The following SKOR2 variants were observed in gnomAD, a reference collection of about 807,000 sequenced individuals.
The protein encoded by SKOR2 is LBX1 corepressor 1-like protein.
In SKOR2, 47 loss-of-function variants were observed where a neutral mutation model predicts 69.1. That is an observed-to-expected ratio of 0.68 (90% CI 0.54 to 0.87). SKOR2 has a LOEUF of 0.87. Ranked by LOEUF, SKOR2 falls within the 40% of genes least tolerant of loss-of-function variation. The pLI is 0.00. For missense variants in SKOR2, 1,404 were observed against 1,472.2 expected (o/e 0.95, Z 0.76); for synonymous variants, 717 against 672.6 (o/e 1.07, Z -1.02).
rs376817644 is a variant in SKOR2, at chr18:47,249,127, G to A, written c.57C>T (p.Ser19=). 7.2e-6 allele frequency: 11 copies of A among 1,535,898 alleles called. No individual in the cohort carries two copies. In the African/African-American group the frequency reaches 1.1e-4, roughly 15 times the overall value. ...GGCTCAGCGTGTCGGGCTGGAAGGC[G>A]CTCGACGGCGACGCCAGCAGGATGT... is the stretch of plus-strand genomic sequence containing the variant. ...PNDILLASPS[S]AFQPDTLSQP... is the part of the protein sequence containing the mutation. Residue 19 remains serine, a synonymous_variant, in exon 2 of 9, where the codon AGC becomes AGT. Transcript: ENST00000425639.
chr18:47,247,381 C>A lies in SKOR2; in HGVS notation c.1803G>T (p.Ala601=), dbSNP rs754020564. ...GSGPAGSRVP[A]PHHPHLLEGR... ...CCTCCAGAAGGTGCGGATGGTGGGGCGCCGGAACCCGGGAGCCCGCGGGGC... is the reference window on the plus strand; with the variant it reads ...CCTCCAGAAGGTGCGGATGGTGGGGAGCCGGAACCCGGGAGCCCGCGGGGC... The change falls in exon 2 of 9, where the codon GCG becomes GCT. Residue 601 remains alanine, a synonymous_variant. Transcript: ENST00000425639. The surrounding 1 kb of genome is among the most constrained non-coding windows in gnomAD (Gnocchi z 6.6). The A allele has an allele frequency of 2.1e-6, 3 of 1,402,850 alleles. No individual in the cohort carries two copies. Among genetic ancestry groups the A allele is most frequent in the South Asian group, 3.0e-5 (2 of 66,924 alleles). The allele number at this position is 1,402,850 out of a possible 1,614,324, so 86.9% of individuals were successfully genotyped here.
Position 47,231,014 on chromosome 18 carries a change from A to G in SKOR2, c.2753-14T>C. 6.5e-7 allele frequency: 1 copy of G among 1,535,994 alleles called. No homozygotes were observed. The highest frequency in any genetic ancestry group is 1.2e-5 in the South Asian group (1 of 84,042). ...GTGTATGTTCACCTTTTAAAAAAGC[A>G]GGAAAAATACTATTAGTTTTGTGTA... is the stretch of plus-strand genomic sequence containing the variant. On this transcript the variant is annotated splice_polypyrimidine_tract_variant and intron_variant, in intron 4 of 8. Coordinates refer to ENST00000425639, the MANE Select transcript of SKOR2 (RefSeq NM_001278063.4).
At chr18:47,231,382 G>A (rs1005567070) in intron 4 of SKOR2, among the ~76,000 whole-genome samples, 1 of 152,154 alleles carries the variant, frequency 6.6e-6, no homozygotes, top group African/African-American at 2.4e-5. Context: ...TCCTTGAAGG[G>A]AGGAAGCTTG....
At position 47,247,614 on chromosome 18, in the gene SKOR2, C is replaced by G; in HGVS notation, c.1570G>C (p.Glu524Gln). 7.8e-7 allele frequency: 1 copy of G among 1,280,360 alleles called. No homozygotes were observed. The highest frequency in any genetic ancestry group is 9.8e-7 in the Non-Finnish European group (1 of 1,016,414). 79.3% of individuals were successfully genotyped at this position (1,280,360 alleles called of 1,614,324 possible). Residue 524 changes from glutamate (E) to glutamine (Q), a missense_variant, in exon 2 of 9, where the codon GAG becomes CAG. Coordinates refer to ENST00000425639, the MANE Select transcript of SKOR2 (RefSeq NM_001278063.4). The surrounding 1 kb of genome is among the most constrained non-coding windows in gnomAD (Gnocchi z 6.6). Reference sequence around the variant, plus strand: ...GGCTGCCCCGGCGGGGGCGCGGCCTCGGCGCTCCCAGCAGCACCGCCTGGC... The same window carrying G: ...GGCTGCCCCGGCGGGGGCGCGGCCTGGGCGCTCCCAGCAGCACCGCCTGGC... ...AEPGGAAGSAEAAPPPGQPPQ... is the reference protein window; with the variant it reads ...AEPGGAAGSAQAAPPPGQPPQ...
intron 2 of SKOR2, among the ~76,000 whole-genome samples, chr18:47,246,221 C>T (rs2064272218): frequency 6.6e-6 from 1 of 152,100 alleles, no homozygotes. Flanking sequence ...TGGTCTTGCT[C>T]CTTTTAGGGG....
At chr18:47,241,434 CA>C (rs1159629882) in intron 4 of SKOR2, among the ~76,000 whole-genome samples, 1 of 151,998 alleles carries the variant, frequency 6.6e-6, no homozygotes, top group Non-Finnish European at 1.5e-5. Flanking sequence ...ACATTAATAC[CA>C]AAACATAGGT....
intron 6 of SKOR2, among the ~76,000 whole-genome samples, chr18:47,226,494 C>G (rs927275573): frequency 1.3e-5 from 2 of 152,142 alleles, no homozygotes; most frequent in Non-Finnish European, 2.9e-5. Context: ...AACACCTACT[C>G]CCACTCAATT....
At position 47,247,346 on chromosome 18, in the gene SKOR2, G is replaced by T; in HGVS notation, c.1838C>A (p.Ala613Glu). ...GGAATGGTGGTAGCTGCCACCGCCC[G>T]CTTTGCGCCCCTCCAGAAGGTGCGG... Reference protein sequence around the residue: ...HHPHLLEGRKAGGGSYHHSSA... With the variant: ...HHPHLLEGRKEGGGSYHHSSA... The change falls in exon 2 of 9, where the codon GCG (alanine) becomes GAG (glutamate). Residue 613 changes from alanine (A) to glutamate (E), a missense_variant. Physicochemically the swap from Ala to Glu is moderately radical, Grantham distance 107. Around this residue, in one of 3 missense-constraint regions of SKOR2, gnomAD observed 1,266 missense variants for 1,309.9 expected, o/e 0.97. Coordinates refer to ENST00000425639, the MANE Select transcript of SKOR2 (RefSeq NM_001278063.4). This position sits in a 1 kb window ranked among gnomAD's most constrained non-coding sequence, Gnocchi z 6.6. 6.8e-7 allele frequency: 1 copy of T among 1,471,512 alleles called. No homozygotes were observed. The highest frequency in any genetic ancestry group is 9.0e-7 in the Non-Finnish European group (1 of 1,117,258). The allele number at this position is 1,471,512 out of a possible 1,614,324, so 91.2% of individuals were successfully genotyped here.
chr18:47,228,004 C>T (rs769705113), intron 6 of SKOR2, among the ~76,000 whole-genome samples: 6 of 152,192 alleles, frequency 3.9e-5, no homozygotes, highest in Non-Finnish European at 7.4e-5. Context: ...TGTTCACCTC[C>T]TAGTAAAAAG....
At chr18:47,228,031 C>G (rs1226056586) in intron 6 of SKOR2, among the ~76,000 whole-genome samples, 1 of 152,196 alleles carries the variant, frequency 6.6e-6, no homozygotes, top group Non-Finnish European at 1.5e-5. Context: ...AAAACTCTCA[C>G]GAGAATTCCT....
intron 8 of SKOR2, among the ~76,000 whole-genome samples, chr18:47,208,790 T>G (rs2064119879): frequency 6.6e-6 from 1 of 152,174 alleles, no homozygotes; most frequent in African/African-American, 2.4e-5. Flanking sequence ...TCCTTTCCAT[T>G]GTACTCATGA....
intron 6 of SKOR2, among the ~76,000 whole-genome samples, chr18:47,223,511 T>C (rs2064168217): frequency 6.6e-6 from 1 of 152,140 alleles, no homozygotes; most frequent in Non-Finnish European, 1.5e-5. Flanking sequence ...CCTAAGGAAA[T>C]AATAGTGGAT....
intron 6 of SKOR2, among the ~76,000 whole-genome samples, chr18:47,223,573 C>T (rs1268762038): frequency 6.6e-6 from 1 of 152,146 alleles, no homozygotes; most frequent in Admixed American, 6.5e-5. Context: ...CTTGGACAAA[C>T]CTTAATGTCC....
chr18:47,233,491 T>C (rs2064207943), intron 4 of SKOR2, among the ~76,000 whole-genome samples: 2 of 152,160 alleles, frequency 1.3e-5, no homozygotes, highest in South Asian at 4.1e-4. Flanking sequence ...AGTTAACCAG[T>C]TAAAGGTGTA....
Position 47,248,443 on chromosome 18 carries a change from C to T in SKOR2, c.741G>A (p.Pro247=). The change falls in exon 2 of 9, where the codon CCG becomes CCA. Residue 247 remains proline, a synonymous_variant. Transcript: ENST00000425639. The surrounding 1 kb of genome is among the most constrained non-coding windows in gnomAD (Gnocchi z 6.4). ...GCGGGTGGCAGGCGGGGTGCGCGCCCGGCTGGGGCAGTGCGCGCTTGCGGC... is the reference window on the plus strand; with the variant it reads ...GCGGGTGGCAGGCGGGGTGCGCGCCTGGCTGGGGCAGTGCGCGCTTGCGGC... ...GGSRKRALPQ[P]GAHPACHPLS... The T allele has an allele frequency of 6.5e-7, 1 of 1,534,814 alleles. No homozygotes were observed. The highest frequency in any genetic ancestry group is 1.4e-5 in the African/African-American group (1 of 73,058).
At position 47,248,545 on chromosome 18, in the gene SKOR2, G is replaced by A. The variant is rs1252058696; in HGVS notation, c.639C>T (p.Leu213=). The change falls in exon 2 of 9, where the codon CTC becomes CTT. Residue 213 remains leucine, a synonymous_variant. Coordinates refer to ENST00000425639, the MANE Select transcript of SKOR2 (RefSeq NM_001278063.4). This position sits in a 1 kb window ranked among gnomAD's most constrained non-coding sequence, Gnocchi z 6.4. The stretch of plus-strand genomic sequence containing the variant: ...CCTGGGGACTCTTGTCGGTGAGCTT[G>A]AGATGACGGCGCCACGAGTTGAAGT... ...AANFNSWRRH[L]KLTDKSPQDE... 2 of 1,537,466 alleles carry A rather than the reference G, an allele frequency of 1.3e-6. No homozygotes were observed. The highest frequency in any genetic ancestry group is 1.7e-6 in the Non-Finnish European group (2 of 1,146,974).
chr18:47,224,477 ATAAG>A (rs1030109470), intron 6 of SKOR2, among the ~76,000 whole-genome samples: 23 of 152,342 alleles, frequency 1.5e-4, no homozygotes, highest in Middle Eastern at 6.8e-3. Flanking sequence ...TCCTAGAACC[ATAAG>A]TAAGAAGACA....
intron 6 of SKOR2, among the ~76,000 whole-genome samples, chr18:47,222,922 A>C (rs1007513447): frequency 1.3e-5 from 2 of 152,250 alleles, no homozygotes; most frequent in Non-Finnish European, 2.9e-5. Context: ...AAAAACAAAA[A>C]AGAAGCCATT....
At chr18:47,228,293 A>T (rs1017540165) in intron 6 of SKOR2, among the ~76,000 whole-genome samples, 8 of 152,042 alleles carry the variant, frequency 5.3e-5, no homozygotes, top group Non-Finnish European at 1.0e-4. Flanking sequence ...AAAGAGGAAA[A>T]TTTTTTTTGT....
Sources: allele counts gnomAD v4.1 joint callset (sites outside exome capture counted in the v4.1 genomes callset), GRCh38; gene constraint gnomAD v4.1.1; regional missense constraint gnomAD v4.1.1; non-coding constraint Gnocchi (gnomAD v3.1); transcripts MANE v1.5; gene names NCBI Gene and HGNC (gene_info 2026-07-23, HGNC 2026-07-21).